TENM2: variants seen among roughly 807,000 people sequenced by gnomAD.
The protein encoded by TENM2 is teneurin transmembrane protein 2, also known as teneurin-2.
A neutral mutation model predicts 245.2 loss-of-function variants in TENM2; 52 were observed. The ratio of observed to expected loss-of-function variants is 0.21; its 90% CI spans 0.17 to 0.27. The LOEUF is 0.27. Among genes scored for constraint, TENM2 ranks in the 10% least tolerant of loss-of-function variants. TENM2 has a pLI of 1.00. For synonymous variants in TENM2, 1,363 were observed against 1,438.9 expected, an observed-to-expected ratio of 0.95 and a Z score of 1.19; for missense variants, 3,046 against 3,666.8, an observed-to-expected ratio of 0.83 and a Z score of 4.37.
chr5:167,701,679 A>G (rs1477716345), intron 2 of TENM2, among the ~76,000 whole-genome samples: 1 of 152,194 alleles, frequency 6.6e-6, no homozygotes, highest in African/African-American at 2.4e-5. Flanking sequence ...TTAAATAGAT[A>G]CATACATACA....
intron 25 of TENM2, among the ~76,000 whole-genome samples, chr5:168,232,915 G>A (rs1378964096): frequency 3.3e-5 from 5 of 152,176 alleles, no homozygotes; most frequent in Admixed American, 6.5e-5. Flanking sequence ...CAAACTCAGT[G>A]CAGGGAAGAT....
chr5:167,429,449 T>G (rs1448300693), intron 2 of TENM2, among the ~76,000 whole-genome samples: 1 of 152,086 alleles, frequency 6.6e-6, no homozygotes, highest in Admixed American at 6.5e-5. Context: ...CCAGTCCCTG[T>G]GTTCATGGAA....
chr5:167,778,896 T>TATA (rs1763992372), intron 2 of TENM2, among the ~76,000 whole-genome samples: 1 of 152,222 alleles, frequency 6.6e-6, no homozygotes, highest in African/African-American at 2.4e-5. Flanking sequence ...CCTTCTATAA[T>TATA]GGTAAGATCT....
chr5:167,499,490 G>C (rs1769031281), intron 2 of TENM2, among the ~76,000 whole-genome samples: 1 of 152,162 alleles, frequency 6.6e-6, no homozygotes, highest in African/African-American at 2.4e-5. Flanking sequence ...GGTGGGGGTA[G>C]ATAGGATTAT....
Position 167,894,981 on chromosome 5 carries a change from GGAAGGAAGGAGGGAA to G in TENM2, c.712+18788_712+18802del, listed in dbSNP as rs1561906838. Among the ~76,000 whole-genome samples the G allele has an allele frequency of 1.1e-4, 15 of 135,314 alleles. No homozygotes were observed. The East Asian group carries it at 1.8e-3, about 16-fold the overall frequency. The allele number at this position is 135,314 out of a possible 152,430, so 88.8% of individuals were successfully genotyped here. A position where few individuals can be genotyped will look rare whatever the true frequency, so the allele number is the denominator to read the frequency against. On this transcript the variant is annotated intron_variant, in intron 3 of 28. Coordinates refer to ENST00000518659, the Ensembl canonical transcript of TENM2. Reference sequence around the variant, plus strand: ...AGGAAGGAAGGAAGGAAGGAAGGAAGGAAGGAAGGAGGGAAGGAAGGAAGGAAGGGAGGGAGGGAG... The same window carrying G: ...AGGAAGGAAGGAAGGAAGGAAGGAAGGGAAGGAAGGAAGGGAGGGAGGGAG...
the TENM2 span, among the ~76,000 whole-genome samples, chr5:167,194,528 G>A: frequency 6.6e-6 from 1 of 151,982 alleles, no homozygotes. Flanking sequence ...TGTACATTTG[G>A]AAGAGATTTT....
At chr5:167,011,626 A>G in the TENM2 span, among the ~76,000 whole-genome samples, 3 of 152,196 alleles carry the variant, frequency 2.0e-5, no homozygotes, top group Non-Finnish European at 4.4e-5. Flanking sequence ...TTTGTTATGT[A>G]TACTTGCCTT....
intron 2 of TENM2, among the ~76,000 whole-genome samples, chr5:167,502,787 G>A (rs994618320): frequency 1.3e-5 from 2 of 152,136 alleles, no homozygotes; most frequent in South Asian, 4.2e-4. Context: ...TTTCAGGTGG[G>A]GATTCATGCT....
rs746665399 is a variant in TENM2 at position 167,755,165 on chromosome 5, C to A, written c.503-120821C>A. 1.3e-5 allele frequency: 20 copies of A among 1,598,856 alleles called. No individual in the cohort carries two copies. The South Asian group carries it at 2.1e-4, about 17-fold the overall frequency. ...CTCACCTCAGTCTGTGAGTTTTCTC[C>A]ATGGGAAGGTTGTGATGGAGTCTCT... On this transcript the variant is annotated intron_variant, in intron 2 of 28. Coordinates refer to ENST00000518659, the Ensembl canonical transcript of TENM2.
At chr5:167,236,955 T>G in the TENM2 span, among the ~76,000 whole-genome samples, 1 of 151,974 alleles carries the variant, frequency 6.6e-6, no homozygotes, top group Non-Finnish European at 1.5e-5. Context: ...TTCTTTTTCC[T>G]AAGTAAATGT....
exon 12 of TENM2, chr5:168,126,775 G>A (rs1279674764): frequency 6.2e-7 from 1 of 1,612,610 alleles, no homozygotes; most frequent in East Asian, 2.2e-5. Flanking sequence ...GTAGACTGTG[G>A]CACTCACGGC....
intron 2 of TENM2, among the ~76,000 whole-genome samples, chr5:167,725,261 T>G (rs1759915566): frequency 6.6e-6 from 1 of 152,202 alleles, no homozygotes; most frequent in African/African-American, 2.4e-5. Context: ...ATCACACTTT[T>G]TTTTTAAAGA....
chr5:167,540,481 T>TA (rs1224183231), intron 2 of TENM2, among the ~76,000 whole-genome samples: 1 of 152,084 alleles, frequency 6.6e-6, no homozygotes, highest in African/African-American at 2.4e-5. Context: ...TCAGTGTCCA[T>TA]AAAAAAAATT....
At chr5:168,115,348 GAGGGAAGGA>G (rs1319201596) in intron 9 of TENM2, among the ~76,000 whole-genome samples, 2 of 115,940 alleles carry the variant, frequency 1.7e-5, no homozygotes, top group Non-Finnish European at 3.5e-5. Flanking sequence ...GGAAGGAAAG[GAGGGAAGGA>G]AGGGAAGGAA....
chr5:167,315,795 G>GGCATTCTATAGAATACATATT (rs1239657208), intron 1 of TENM2, among the ~76,000 whole-genome samples: 1 of 151,910 alleles, frequency 6.6e-6, no homozygotes, highest in Non-Finnish European at 1.5e-5. Flanking sequence ...TCTGGGAGTG[G>GGCATTCTATAGAATACATATT]GCATTCTATA....
At chr5:168,138,572 TC>T (rs1445876059) in intron 12 of TENM2, among the ~76,000 whole-genome samples, 1 of 152,196 alleles carries the variant, frequency 6.6e-6, no homozygotes, top group Non-Finnish European at 1.5e-5. Flanking sequence ...ATTTCACTGT[TC>T]CAAGACAAGT....
At chr5:167,187,523 A>T in the TENM2 span, among the ~76,000 whole-genome samples, 1 of 152,084 alleles carries the variant, frequency 6.6e-6, no homozygotes, top group Non-Finnish European at 1.5e-5. Context: ...AAATAGTGAG[A>T]CTTGGGGTCT....
chr5:167,518,573 G>T (rs1009403794), intron 2 of TENM2, among the ~76,000 whole-genome samples: 1 of 152,084 alleles, frequency 6.6e-6, no homozygotes, highest in Non-Finnish European at 1.5e-5. Flanking sequence ...ACAGTGACTG[G>T]AGTAGCTAAC....
chr5:167,668,343 A>G lies in TENM2; in HGVS notation c.503-207643A>G, dbSNP rs184874052. ...TTGTGATATCAAGGTTTGTTGTCTGATTTATACTGCTTATGACTCCTGTGA... is the reference window on the plus strand; with the variant it reads ...TTGTGATATCAAGGTTTGTTGTCTGGTTTATACTGCTTATGACTCCTGTGA... On this transcript the variant is annotated intron_variant, in intron 2 of 28. Coordinates refer to ENST00000518659, the Ensembl canonical transcript of TENM2. Among the ~76,000 whole-genome samples the G allele has an allele frequency of 4.4e-4, 67 of 152,254 alleles. No homozygotes were observed. In the East Asian group the frequency reaches 8.1e-3, roughly 18 times the overall value.
Sources: allele counts gnomAD v4.1 joint callset (sites outside exome capture counted in the v4.1 genomes callset), GRCh38; gene constraint gnomAD v4.1.1; transcripts MANE v1.5; gene names NCBI Gene and HGNC (gene_info 2026-07-23, HGNC 2026-07-21).